Variants in MSH3 observed in about 807,000 individuals in gnomAD.
MSH3 encodes mutS homolog 3, also known as DNA mismatch repair protein Msh3.
MSH3 carries 106 observed loss-of-function variants against 123.3 expected under a neutral mutation model. The ratio of observed to expected loss-of-function variants is 0.86; its 90% CI spans 0.73 to 1.01. The LOEUF is 1.01. MSH3 is among the 50% of genes least tolerant of loss of function. The pLI, the probability that MSH3 is intolerant of heterozygous loss-of-function variation, is 0.00. For synonymous variants in MSH3, 515 were observed against 481.4 expected (o/e 1.07, Z -0.91); for missense variants, 1,459 against 1,347.6 (o/e 1.08, Z -1.29).
chr5:80,828,398 G>A (rs1319089774), intron 20 of MSH3, among the ~76,000 whole-genome samples: 1 of 152,056 alleles, frequency 6.6e-6, no homozygotes, highest in African/African-American at 2.4e-5. Flanking sequence ...CCTCTTAAAG[G>A]CCCCACTTAA....
rs114194669 is a variant in MSH3 at position 80,696,037 on chromosome 5, G to T, written c.1340+16944G>T. ...TAGAAACCCAGGTTGCTTGGTTTCCGTTGAAACCCGAGGGAGATGGGTGCT... is the reference window on the plus strand; with the variant it reads ...TAGAAACCCAGGTTGCTTGGTTTCCTTTGAAACCCGAGGGAGATGGGTGCT... On this transcript the variant is annotated intron_variant, in intron 8 of 23. Coordinates refer to ENST00000265081, the MANE Select transcript of MSH3 (RefSeq NM_002439.5). Among the ~76,000 whole-genome samples the T allele has an allele frequency of 8.5e-3, 1,298 of 152,244 alleles. 11 individuals are homozygous for T. The highest frequency in any genetic ancestry group is 0.015 in the Non-Finnish European group (1,014 of 68,014).
At chr5:80,790,664 C>A (rs556180199) in intron 18 of MSH3, among the ~76,000 whole-genome samples, 5 of 152,306 alleles carry the variant, frequency 3.3e-5, no homozygotes, top group Admixed American at 3.3e-4. Flanking sequence ...GCCCGCATTA[C>A]ATCATCTTCC....
intron 11 of MSH3, among the ~76,000 whole-genome samples, chr5:80,744,258 A>T (rs942102478): frequency 6.6e-6 from 1 of 152,240 alleles, no homozygotes; most frequent in Non-Finnish European, 1.5e-5. Flanking sequence ...AAGCATCTTT[A>T]TCATTTCAAA....
intron 13 of MSH3, 35 bp downstream of exon 13, chr5:80,761,713 G>A (rs762538213): frequency 1.9e-6 from 3 of 1,611,652 alleles, no homozygotes; most frequent in Non-Finnish European, 1.7e-6. Flanking sequence ...AGCTGACAGT[G>A]TTCTTCAGCT....
In MSH3 at chr5:80,672,328, C is replaced by T. The variant is rs933563870; in HGVS notation, c.877C>T (p.His293Tyr). Residue 293 changes from histidine (H) to tyrosine (Y), a missense_variant, in exon 5 of 24, where the codon CAT (histidine) becomes TAT (tyrosine). By Grantham distance (83) the His-to-Tyr change is moderately conservative. Transcript: ENST00000265081. ...ASIPTHRLFV[H>Y]VRRLVAKGYK... ...TATACCTACTCACAGACTGTTTGTT[C>T]ATGTACGCCGCCTGGTGGCAAAAGG... 1 of 1,613,836 alleles carries T rather than the reference C, an allele frequency of 6.2e-7. No individual in the cohort carries two copies. The highest frequency in any genetic ancestry group is 8.5e-7 in the Non-Finnish European group (1 of 1,179,782).
At chr5:80,858,827 T>C (rs536523429) in intron 21 of MSH3, among the ~76,000 whole-genome samples, 2 of 152,340 alleles carry the variant, frequency 1.3e-5, no homozygotes, top group South Asian at 4.2e-4. Context: ...TATAGTAGTA[T>C]GTTCATCTGT....
intron 8 of MSH3, among the ~76,000 whole-genome samples, chr5:80,724,770 A>G (rs1385029957): frequency 6.6e-6 from 1 of 152,228 alleles, no homozygotes; most frequent in Non-Finnish European, 1.5e-5. Flanking sequence ...ATTTAAACAA[A>G]TAACGTAATC....
chr5:80,709,544 C>A (rs1305067952), intron 8 of MSH3, among the ~76,000 whole-genome samples: 1 of 152,084 alleles, frequency 6.6e-6, no homozygotes, highest in East Asian at 1.9e-4. Flanking sequence ...ATGGTGTGAA[C>A]CCGGGAGGCG....
intron 22 of MSH3, among the ~76,000 whole-genome samples, chr5:80,869,500 G>A (rs186393358): frequency 9.2e-5 from 14 of 151,856 alleles, no homozygotes; most frequent in South Asian, 2.1e-4. Flanking sequence ...AACCCCTCTC[G>A]CACACAGAGG....
chr5:80,855,582 A>G (rs1431814090), intron 21 of MSH3: 1 of 152,224 alleles, frequency 6.6e-6, no homozygotes. Flanking sequence ...TCTAGGCTTC[A>G]TGAGAATGAT....
Position 80,702,779 on chromosome 5 carries a change from A to G in MSH3, c.1341-22674A>G, listed in dbSNP as rs184930114. Among the ~76,000 whole-genome samples the G allele has an allele frequency of 2.6e-5, 4 of 152,218 alleles. No individual in the cohort carries two copies. The East Asian group carries it at 7.7e-4, about 29-fold the overall frequency. Reference sequence around the variant, plus strand: ...GTAATCCCAGTACTTTGGGAGGCTGAGGAAGGTGGATCGCTTGAGCTCAGG... The same window carrying G: ...GTAATCCCAGTACTTTGGGAGGCTGGGGAAGGTGGATCGCTTGAGCTCAGG... On this transcript the variant is annotated intron_variant, in intron 8 of 23. Coordinates refer to ENST00000265081, the MANE Select transcript of MSH3 (RefSeq NM_002439.5).
At chr5:80,758,809 C>T (rs1377288403) in intron 12 of MSH3, among the ~76,000 whole-genome samples, 1 of 152,032 alleles carries the variant, frequency 6.6e-6, no homozygotes, top group African/African-American at 2.4e-5. Flanking sequence ...CTTTCTGTAT[C>T]TCAGAAAACC....
At chr5:80,754,193 A>G (rs1285351366) in intron 12 of MSH3, among the ~76,000 whole-genome samples, 2 of 152,114 alleles carry the variant, frequency 1.3e-5, no homozygotes, top group Non-Finnish European at 2.9e-5. Flanking sequence ...TTCCTGCCCC[A>G]CATCTACTCA....
chr5:80,667,695 G>A (rs1749603064), intron 3 of MSH3, among the ~76,000 whole-genome samples: 1 of 152,210 alleles, frequency 6.6e-6, no homozygotes, highest in Non-Finnish European at 1.5e-5. Flanking sequence ...GGCTGGACCA[G>A]GCGTACCACA....
intron 12 of MSH3, among the ~76,000 whole-genome samples, chr5:80,754,798 TG>T (rs996954707): frequency 1.3e-5 from 2 of 152,356 alleles, no homozygotes; most frequent in African/African-American, 4.8e-5. Context: ...GCTTTTGTTT[TG>T]GTAAACCCAT....
At chr5:80,707,628 A>G (rs1198745737) in intron 8 of MSH3, among the ~76,000 whole-genome samples, 1 of 152,188 alleles carries the variant, frequency 6.6e-6, no homozygotes, top group Admixed American at 6.5e-5. Context: ...GCTACTCAGA[A>G]GGCTGAGGTG....
chr5:80,748,703 C>T (rs1182124974), intron 12 of MSH3, among the ~76,000 whole-genome samples: 1 of 47,626 alleles, frequency 2.1e-5, no homozygotes, highest in Admixed American at 2.8e-4. Context: ...CACACACACA[C>T]ACACACACAC....
At position 80,778,325 on chromosome 5, in the gene MSH3, A is replaced by G. The variant is rs564264540; in HGVS notation, c.2319-395A>G. Among the ~76,000 whole-genome samples, 3 of 152,350 alleles carry G rather than the reference A, an allele frequency of 2.0e-5. No homozygotes were observed. The South Asian group carries it at 6.2e-4, about 32-fold the overall frequency. On this transcript the variant is annotated intron_variant, in intron 16 of 23. Coordinates refer to ENST00000265081, the MANE Select transcript of MSH3 (RefSeq NM_002439.5). ...ATACTTCAATCATACAGAAAAGCCC[A>G]TAAAACAAAGAATAATACAACCTTC...
rs1744821846 is a variant in MSH3 at position 80,803,117 on chromosome 5, C to A, written c.2655+10273C>A. 2.0e-5 allele frequency among the ~76,000 whole-genome samples: 3 copies of A among 152,062 alleles called. No homozygotes were observed. The South Asian group carries it at 6.2e-4, about 32-fold the overall frequency. ...ATACCTAGCAGTGGGATTGCTAGAT[C>A]ATGTGTTAGTTCTATTTTTACTTTT... is the stretch of plus-strand genomic sequence containing the variant. On this transcript the variant is annotated intron_variant, in intron 19 of 23. Transcript: ENST00000265081.
Sources: allele counts gnomAD v4.1 joint callset (sites outside exome capture counted in the v4.1 genomes callset), GRCh38; gene constraint gnomAD v4.1.1; transcripts MANE v1.5; gene names NCBI Gene and HGNC (gene_info 2026-07-23, HGNC 2026-07-21).